The following KIF1B variants were observed in gnomAD, a reference collection of about 807,000 sequenced individuals.
KIF1B encodes the protein kinesin-like protein KIF1B.
A neutral mutation model predicts 241.9 loss-of-function variants in KIF1B; 76 were observed. The ratio of observed to expected loss-of-function variants is 0.31; its 90% CI spans 0.26 to 0.38. The LOEUF (loss-of-function observed/expected upper bound fraction) is 0.38, where lower values mean the gene tolerates loss of function less well. Ranked by LOEUF, KIF1B falls within the 10% of genes least tolerant of loss-of-function variation. The pLI is 1.00. For synonymous variants in KIF1B, 750 were observed against 796.7 expected (o/e 0.94, Z 0.99); for missense variants, 1,622 against 2,271.4 (o/e 0.71, Z 5.81).
In KIF1B at chr1:10,286,045, GT is replaced by G. The variant is rs1161155017; in HGVS notation, c.1434+3524del. On this transcript the variant is annotated intron_variant, in intron 15 of 48. Coordinates refer to ENST00000676179, the MANE Select transcript of KIF1B (RefSeq NM_001365951.3). The stretch of plus-strand genomic sequence containing the variant: ...ACTCATGTCACACCATTGTAAAGAT[GT>G]TTTTTTTTTTTGAGACAGAGTCTTG... Among the ~76,000 whole-genome samples, 105 of 144,716 alleles carry G rather than the reference GT, an allele frequency of 7.3e-4. 2 individuals are homozygous for G. Among genetic ancestry groups the G allele is most frequent in the East Asian group, 3.8e-3 (19 of 4,968 alleles). The allele number at this position is 144,716 out of a possible 152,430, so 94.9% of individuals were successfully genotyped here. A position where few individuals can be genotyped will look rare whatever the true frequency, so the allele number is the denominator to read the frequency against.
rs891974084 is a variant in KIF1B at position 10,374,556 on chromosome 1, T to C, written c.5096+91T>C. The C allele has an allele frequency of 4.3e-6, 6 of 1,385,496 alleles. No individual in the cohort carries two copies. In the African/African-American group the frequency reaches 8.5e-5, roughly 20 times the overall value. The allele number at this position is 1,385,496 out of a possible 1,614,324, so 85.8% of individuals were successfully genotyped here. ...CAGCTCTTCCCTGTGAGGTCTGTAC[T>C]GTAGTCTGATGCAATCTGTACTGTA... On this transcript the variant is annotated intron_variant, in intron 46 of 48. Transcript: ENST00000676179. The surrounding 1 kb of genome is among the most constrained non-coding windows in gnomAD (Gnocchi z 4.3).
At chr1:10,329,454 G>A (rs1348652604) in intron 27 of KIF1B, among the ~76,000 whole-genome samples, 1 of 152,122 alleles carries the variant, frequency 6.6e-6, no homozygotes, top group Non-Finnish European at 1.5e-5. Context: ...TTAGTTTCTG[G>A]CTGGGTGCGG....
intron 22 of KIF1B, chr1:10,306,184 G>C: frequency 9.6e-7 from 1 of 1,039,578 alleles, no homozygotes; most frequent in Middle Eastern, 4.4e-4. Flanking sequence ...GAGAAGCTTT[G>C]AGAGATATTT....
At chr1:10,339,024 A>G (rs765310568) in intron 31 of KIF1B, among the ~76,000 whole-genome samples, 2 of 152,168 alleles carry the variant, frequency 1.3e-5, no homozygotes, top group Non-Finnish European at 2.9e-5. Flanking sequence ...TCTATCTGGC[A>G]GTAAATCTTT....
In KIF1B at chr1:10,365,439, C is replaced by A; in HGVS notation, c.4543C>A (p.Arg1515Ser). The A allele has an allele frequency of 6.2e-7, 1 of 1,614,156 alleles. No homozygotes were observed. The highest frequency in any genetic ancestry group is 1.1e-5 in the South Asian group (1 of 91,092). Residue 1515 changes from arginine to serine, a missense_variant, in exon 43 of 49, where the codon CGT becomes AGT. Arg to Ser is a moderately radical substitution (Grantham distance 110). Around this residue, in one of 7 missense-constraint regions of KIF1B, gnomAD observed 357 missense variants for 409.0 expected, o/e 0.87. Transcript: ENST00000676179. This position sits in a 1 kb window ranked among gnomAD's most constrained non-coding sequence, Gnocchi z 4.0. ...AAAAACCCGCCACTTTTTGCTGCTG[C>A]GTGAGAGACTTGGTGACAGCATCCC... ...VEKTRHFLLLRERLGDSIPKS... is the reference protein window; with the variant it reads ...VEKTRHFLLLSERLGDSIPKS...
chr1:10,302,331 T>C (rs1650581843), intron 22 of KIF1B, among the ~76,000 whole-genome samples: 1 of 152,152 alleles, frequency 6.6e-6, no homozygotes, highest in Non-Finnish European at 1.5e-5. Flanking sequence ...TTTCTTGTTA[T>C]CCAGATAACA....
rs1650231445 is a variant in KIF1B, at chr1:10,295,761, G to T, written c.1772G>T (p.Gly591Val). Residue 591 changes from glycine (G) to valine (V), a missense_variant, in exon 19 of 49, where the codon GGG becomes GTG. Gly to Val is a moderately radical substitution (Grantham distance 109). This residue lies in a region of KIF1B where 44 missense variants were observed against 28.6 expected (regional missense o/e 1.54). Coordinates refer to ENST00000676179, the MANE Select transcript of KIF1B (RefSeq NM_001365951.3). ...CIFRSERSNS[G>V]EVIVTLEPCE... ...TTCCGGAGTGAGAGAAGCAACAGCG[G>T]GGAAGGTGAGCATTCCTGGCTGGAG... 2 of 1,612,132 alleles carry T rather than the reference G, an allele frequency of 1.2e-6. No homozygotes were observed. Among genetic ancestry groups the T allele is most frequent in the South Asian group, 1.1e-5 (1 of 90,994 alleles).
rs35575898 is a variant in KIF1B at position 10,330,479 on chromosome 1, TA to T, written c.2925-4029del. ...ATGTGTGCTTAATATAAGCTTTCTT[TA>T]AAAAAAAAAAAGGTGGCTCCTGTTT... is the stretch of plus-strand genomic sequence containing the variant. On this transcript the variant is annotated intron_variant, in intron 27 of 48. Transcript: ENST00000676179. 8.8e-3 allele frequency among the ~76,000 whole-genome samples: 1,273 copies of T among 145,400 alleles called. 11 individuals are homozygous for T. Among genetic ancestry groups the T allele is most frequent in the Middle Eastern group, 0.035 (10 of 288 alleles).
intron 45 of KIF1B, 140 bp downstream of exon 45, chr1:10,371,402 C>A: frequency 1.0e-6 from 1 of 979,904 alleles, no homozygotes; most frequent in Non-Finnish European, 1.6e-6. Context: ...GCCTTTTTGG[C>A]TATCACAGTG....
rs754121148 is a variant in KIF1B at position 10,337,085 on chromosome 1, G to T, written c.3141G>T (p.Ser1047=). 46 of 1,613,780 alleles carry T rather than the reference G, an allele frequency of 2.9e-5. No homozygotes were observed. Among genetic ancestry groups the T allele is most frequent in the Non-Finnish European group, 3.7e-5 (44 of 1,179,994 alleles). ...TGCCTTTTTTTCAGAGTGACTTTTC[G>T]TCTGTTGCAATGACTCGTTCTGGTC... ...DNEYFNQSDF[S]SVAMTRSGLS... Residue 1047 remains serine, a synonymous_variant, in exon 30 of 49, where the codon TCG becomes TCT. Coordinates refer to ENST00000676179, the MANE Select transcript of KIF1B (RefSeq NM_001365951.3). This position sits in a 1 kb window ranked among gnomAD's most constrained non-coding sequence, Gnocchi z 4.0.
chr1:10,297,346 C>A, intron 22 of KIF1B, 100 bp downstream of exon 22: 1 of 967,736 alleles, frequency 1.0e-6, no homozygotes, highest in South Asian at 1.3e-5. Context: ...GCTTCTGTCT[C>A]AATGATACCA....
intron 32 of KIF1B, 71 bp from the exon 33 acceptor site, chr1:10,341,979 G>A (rs1347813825): frequency 7.5e-6 from 7 of 934,592 alleles, no homozygotes; most frequent in East Asian, 2.5e-5. Context: ...CCCAAAATAC[G>A]TACTAAAGTT....
Position 10,282,549 on chromosome 1 carries a change from G to T in KIF1B, c.1434+16G>T, listed in dbSNP as rs375339342. ...ACGTTTAAAGGTAAGTAATAGTTCA[G>T]ACTGAATACAAGGTATTCTATGTAG... On this transcript the variant is annotated intron_variant, in intron 15 of 48. Coordinates refer to ENST00000676179, the MANE Select transcript of KIF1B (RefSeq NM_001365951.3). The T allele has an allele frequency of 2.0e-5, 32 of 1,593,478 alleles. No homozygotes were observed. The South Asian group carries it at 3.5e-4, about 18-fold the overall frequency.
intron 1 of KIF1B, among the ~76,000 whole-genome samples, chr1:10,221,501 C>CCA (rs1646844917): frequency 6.6e-6 from 1 of 151,910 alleles, no homozygotes; most frequent in Admixed American, 6.6e-5. Context: ...ACATACAGAC[C>CCA]CACACACACA....
At chr1:10,248,704 A>G (rs1017974703) in intron 2 of KIF1B, among the ~76,000 whole-genome samples, 3 of 152,180 alleles carry the variant, frequency 2.0e-5, no homozygotes, top group Non-Finnish European at 4.4e-5. Flanking sequence ...TATTACAGTC[A>G]TCCAAGTGAG....
chr1:10,297,111 T>C (rs1650305351), intron 21 of KIF1B, 34 bp downstream of exon 21: 14 of 1,613,536 alleles, frequency 8.7e-6, no homozygotes, highest in Non-Finnish European at 1.1e-5. Context: ...TATGACTGTT[T>C]CTTCTTTTAA....
chr1:10,349,771 C>T lies in KIF1B; in HGVS notation c.3949+1038C>T, dbSNP rs1026477085. 5.9e-5 allele frequency among the ~76,000 whole-genome samples: 9 copies of T among 151,904 alleles called. 3 individuals carry two copies. The highest frequency in any genetic ancestry group is 5.9e-4 in the Admixed American group (9 of 15,260). On this transcript the variant is annotated intron_variant, in intron 37 of 48. Coordinates refer to ENST00000676179, the MANE Select transcript of KIF1B (RefSeq NM_001365951.3). ...TAGTGTAAACTTTAGAATGACAGTC[C>T]GAGGCAAGAGTTTGGAACTTTTGTT...
At position 10,361,028 on chromosome 1, in the gene KIF1B, G is replaced by T. The variant is rs760253167; in HGVS notation, c.4155G>T (p.Leu1385Phe). ...TPYGEKIYMTLSAYLELDHCI... is the reference protein window; with the variant it reads ...TPYGEKIYMTFSAYLELDHCI... ...ATGGAGAAAAGATCTACATGACCTT[G>T]TCGGCCTACCTAGAGGTGAGGAGAC... Residue 1385 changes from leucine to phenylalanine, a missense_variant, in exon 39 of 49, where the codon TTG becomes TTT. Physicochemically the swap from Leu to Phe is conservative, Grantham distance 22 (BLOSUM62 0). Around this residue, in one of 7 missense-constraint regions of KIF1B, gnomAD observed 803 missense variants for 1,112.0 expected, o/e 0.72. Coordinates refer to ENST00000676179, the MANE Select transcript of KIF1B (RefSeq NM_001365951.3). 14 of 1,612,140 alleles carry T rather than the reference G, an allele frequency of 8.7e-6. No individual in the cohort carries two copies. Among genetic ancestry groups the T allele is most frequent in the East Asian group, 6.7e-5 (3 of 44,878 alleles).
intron 17 of KIF1B, among the ~76,000 whole-genome samples, chr1:10,292,773 A>G (rs577419324): frequency 2.0e-5 from 3 of 152,308 alleles, no homozygotes; most frequent in South Asian, 2.1e-4. Flanking sequence ...CTAAGTTGCA[A>G]CGTCTTGTTG....
Sources: gnomAD v4.1 joint callset for allele counts (sites outside exome capture counted in the v4.1 genomes callset) on GRCh38, gnomAD v4.1.1 for gene constraint, gnomAD v4.1.1 regional missense constraint, Gnocchi (gnomAD v3.1) non-coding constraint, MANE v1.5 for transcripts, NCBI Gene and HGNC (gene_info 2026-07-23, HGNC 2026-07-21) for gene names.